Variants in GULP1 observed in about 807,000 individuals in gnomAD.
The protein encoded by GULP1 is GULP PTB domain containing engulfment adaptor 1, also known as PTB domain-containing engulfment adapter protein 1.
Under a neutral mutation model 40.9 loss-of-function variants are expected in GULP1, and 19 were observed. That is an observed-to-expected ratio of 0.46 (90% CI 0.32 to 0.68). GULP1 has a LOEUF of 0.68. Ranked by LOEUF, GULP1 falls within the 30% of genes least tolerant of loss-of-function variation. GULP1 has a pLI of 0.03. For synonymous variants in GULP1, 119 were observed against 117.6 expected (o/e 1.01, Z -0.08); for missense variants, 312 against 362.2 (o/e 0.86, Z 1.12).
At chr2:188,318,318 G>C (rs1333804419) in intron 1 of GULP1, among the ~76,000 whole-genome samples, 1 of 152,052 alleles carries the variant, frequency 6.6e-6, no homozygotes, top group African/African-American at 2.4e-5. Context: ...TTTATAGCTA[G>C]TAGGAAAATT....
At chr2:188,589,490 G>T (rs1296983530) in intron 11 of GULP1, 5 of 298,660 alleles carry the variant, frequency 1.7e-5, no homozygotes, top group Non-Finnish European at 3.1e-5. Flanking sequence ...TATTCTCAAG[G>T]GTTGCACAGG....
At chr2:188,558,786 T>A (rs1160394263) in intron 7 of GULP1, among the ~76,000 whole-genome samples, 1 of 152,194 alleles carries the variant, frequency 6.6e-6, no homozygotes, top group Non-Finnish European at 1.5e-5. Context: ...TAACTCTTGT[T>A]ATGTTTTAAC....
chr2:188,594,394 T>C lies in GULP1; in HGVS notation c.*383T>C, dbSNP rs1704146280. On this transcript the variant is annotated 3_prime_UTR_variant, in exon 12 of 12. Coordinates refer to ENST00000409830, the MANE Select transcript of GULP1 (RefSeq NM_016315.4). The stretch of plus-strand genomic sequence containing the variant: ...AAGCCATACCTTAAAGATAACTTTT[T>C]AAATTCTGAAGAGACATGCCAATGT... The C allele has an allele frequency of 6.4e-6, 1 of 156,940 alleles. No individual in the cohort carries two copies. The highest frequency in any genetic ancestry group is 1.4e-5 in the Non-Finnish European group (1 of 70,842). The allele number at this position is 156,940 out of a possible 1,614,324, so 9.7% of individuals were successfully genotyped here.
chr2:188,550,640 G>C lies in GULP1; in HGVS notation c.399+9322G>C, dbSNP rs551271138. Among the ~76,000 whole-genome samples the C allele has an allele frequency of 2.0e-5, 3 of 151,578 alleles. No individual in the cohort carries two copies. In the South Asian group the frequency reaches 6.2e-4, roughly 31 times the overall value. On this transcript the variant is annotated intron_variant, in intron 7 of 11. Coordinates refer to ENST00000409830, the MANE Select transcript of GULP1 (RefSeq NM_016315.4). ...CCGTAAAAAGGGTTCATTGTCAAAAGAATCATACATTATTAGTACTAGAAG... is the reference window on the plus strand; with the variant it reads ...CCGTAAAAAGGGTTCATTGTCAAAACAATCATACATTATTAGTACTAGAAG...
intron 2 of GULP1, among the ~76,000 whole-genome samples, chr2:188,385,883 A>G (rs1288850455): frequency 2.6e-5 from 4 of 152,116 alleles, no homozygotes; most frequent in African/African-American, 9.7e-5. Flanking sequence ...TGTCCATATC[A>G]TTATCAGCAT....
At chr2:188,468,843 T>A (rs2060347684) in intron 2 of GULP1, among the ~76,000 whole-genome samples, 1 of 152,108 alleles carries the variant, frequency 6.6e-6, no homozygotes, top group African/African-American at 2.4e-5. Flanking sequence ...GGGGGGCAAT[T>A]GCAATAAGGA....
intron 2 of GULP1, among the ~76,000 whole-genome samples, chr2:188,448,192 G>A (rs1417986235): frequency 6.6e-6 from 1 of 152,168 alleles, no homozygotes; most frequent in East Asian, 1.9e-4. Context: ...AGTTTACATA[G>A]ATAATAGACA....
intron 1 of GULP1, among the ~76,000 whole-genome samples, chr2:188,378,292 A>G (rs966017326): frequency 1.3e-5 from 2 of 151,976 alleles, no homozygotes; most frequent in Non-Finnish European, 2.9e-5. Flanking sequence ...AAAAAAAAAA[A>G]AAGAAAAAAT....
chr2:188,562,282 C>T (rs1576117147), intron 7 of GULP1, among the ~76,000 whole-genome samples: 1 of 152,130 alleles, frequency 6.6e-6, no homozygotes, highest in Admixed American at 6.5e-5. Flanking sequence ...GTCCCTTGAC[C>T]AGGGTTGCAT....
At chr2:188,569,111 A>G in intron 7 of GULP1, 128 bp from the exon 8 acceptor site, 1 of 620,320 alleles carries the variant, frequency 1.6e-6, no homozygotes, top group Non-Finnish European at 2.9e-6. Context: ...TCTACTCCCA[A>G]CTGTTGCCCT....
intron 4 of GULP1, among the ~76,000 whole-genome samples, chr2:188,510,665 A>G (rs1263198472): frequency 6.6e-6 from 1 of 152,124 alleles, no homozygotes; most frequent in African/African-American, 2.4e-5. Context: ...AAAGAGATAT[A>G]TTATATGTGT....
chr2:188,399,049 T>G (rs1393055209), intron 2 of GULP1, among the ~76,000 whole-genome samples: 2 of 152,204 alleles, frequency 1.3e-5, no homozygotes, highest in African/African-American at 4.8e-5. Context: ...CAACACCTAT[T>G]TATACAAGCA....
chr2:188,410,003 G>A (rs945464834), intron 2 of GULP1, among the ~76,000 whole-genome samples: 3 of 152,034 alleles, frequency 2.0e-5, no homozygotes, highest in Non-Finnish European at 2.9e-5. Flanking sequence ...AGACACATAA[G>A]CCAATGAAGC....
At chr2:188,319,861 A>C (rs533196161) in intron 1 of GULP1, among the ~76,000 whole-genome samples, 1 of 151,400 alleles carries the variant, frequency 6.6e-6, no homozygotes, top group Admixed American at 6.6e-5. Context: ...TGCCCTTTTT[A>C]CTTTCTTCTA....
intron 2 of GULP1, among the ~76,000 whole-genome samples, chr2:188,417,956 A>AT (rs200610901): frequency 0.013 from 2,003 of 150,706 alleles, 21 homozygotes; most frequent in East Asian, 0.022. Flanking sequence ...CACACAGCTG[A>AT]TTTTTTTTTG....
intron 7 of GULP1, among the ~76,000 whole-genome samples, chr2:188,543,540 A>G (rs1691101035): frequency 6.6e-6 from 1 of 152,144 alleles, no homozygotes. Context: ...CACTGATATT[A>G]TATGTATGCA....
At chr2:188,398,987 T>C (rs1463323577) in intron 2 of GULP1, among the ~76,000 whole-genome samples, 1 of 152,170 alleles carries the variant, frequency 6.6e-6, no homozygotes, top group Non-Finnish European at 1.5e-5. Context: ...ATCAGTTAGG[T>C]AGCCTGACAA....
At chr2:188,448,592 T>C (rs2058588815) in intron 2 of GULP1, among the ~76,000 whole-genome samples, 1 of 152,226 alleles carries the variant, frequency 6.6e-6, no homozygotes, top group Non-Finnish European at 1.5e-5. Context: ...ATTGGACCTA[T>C]GTATCATCAT....
intron 1 of GULP1, among the ~76,000 whole-genome samples, chr2:188,366,588 C>CTTTTTTTTT (rs34745549): frequency 3.6e-5 from 3 of 84,062 alleles, no homozygotes; most frequent in Non-Finnish European, 6.7e-5. Context: ...CAGTTACTTT[C>CTTTTTTTTT]TTTTTTTTTT....
Sources: allele counts gnomAD v4.1 joint callset (sites outside exome capture counted in the v4.1 genomes callset), GRCh38; gene constraint gnomAD v4.1.1; transcripts MANE v1.5; gene names NCBI Gene and HGNC (gene_info 2026-07-23, HGNC 2026-07-21).